NETO1: variants seen among roughly 807,000 people sequenced by gnomAD.
NETO1 encodes neuropilin and tolloid like 1, also known as neuropilin and tolloid-like protein 1.
In NETO1, 26 loss-of-function variants were observed where a neutral mutation model predicts 61.3. That is an observed-to-expected ratio of 0.42 (90% CI 0.31 to 0.59). The LOEUF (loss-of-function observed/expected upper bound fraction) is 0.59. NETO1 is among the 20% of genes least tolerant of loss of function. NETO1 has a pLI of 0.12. For synonymous variants in NETO1, 225 were observed against 225.8 expected (o/e 1.00, Z 0.03); for missense variants, 531 against 662.8 (o/e 0.80, Z 2.18).
At chr18:72,765,849 G>T (rs2071135448) in intron 7 of NETO1, among the ~76,000 whole-genome samples, 1 of 152,146 alleles carries the variant, frequency 6.6e-6, no homozygotes, top group South Asian at 2.1e-4. Context: ...AAACATTAGA[G>T]ATATCAATTA....
At chr18:72,757,022 C>A (rs1375353343) in intron 7 of NETO1, among the ~76,000 whole-genome samples, 1 of 152,008 alleles carries the variant, frequency 6.6e-6, no homozygotes, top group Admixed American at 6.6e-5. Flanking sequence ...ACAGAAAGTG[C>A]TTTTAAAGCT....
At chr18:72,779,208 C>T (rs1016178834) in intron 7 of NETO1, among the ~76,000 whole-genome samples, 41 of 151,766 alleles carry the variant, frequency 2.7e-4, no homozygotes, top group African/African-American at 3.6e-4. Context: ...TTAGATAATA[C>T]ATATAACTAT....
At position 72,783,871 on chromosome 18, in the gene NETO1, A is replaced by G. The variant is rs756975493; in HGVS notation, c.675T>C (p.Asn225=). The G allele has an allele frequency of 4.3e-6, 7 of 1,613,790 alleles. No homozygotes were observed. The highest frequency in any genetic ancestry group is 5.9e-6 in the Non-Finnish European group (7 of 1,179,764). ...YLRFLDYEMQ[N]SNECKRNFVA... is the part of the protein sequence containing the mutation. ...CAAAATTCCTCTTGCACTCATTTGA[A>G]TTCTGCATCTCATAGTCCAAGAATC... is the stretch of plus-strand genomic sequence containing the variant. Residue 225 remains asparagine (N), a synonymous_variant, in exon 7 of 11, where the codon AAT becomes AAC. Coordinates refer to ENST00000327305, the MANE Select transcript of NETO1 (RefSeq NM_138966.5).
chr18:72,750,227 G>A lies in NETO1; in HGVS notation c.1376C>T (p.Pro459Leu), dbSNP rs1372813173. 6.2e-7 allele frequency: 1 copy of A among 1,614,010 alleles called. No individual in the cohort carries two copies. The highest frequency in any genetic ancestry group is 8.5e-7 in the Non-Finnish European group (1 of 1,179,978). The change falls in exon 9 of 11, where the codon CCC becomes CTC. Residue 459 changes from proline to leucine, a missense_variant. Pro to Leu is a moderately conservative substitution (Grantham distance 98). Coordinates refer to ENST00000327305, the MANE Select transcript of NETO1 (RefSeq NM_138966.5). ...GATGAGGGGTTTTCCTGGCTGTGTG[G>A]GCATCTCTGTCAAGATAGAAGCATC... ...TRDASILTEM[P>L]TQPGKPLIPP...
At chr18:72,856,792 G>GT (rs1370336987) in intron 4 of NETO1, among the ~76,000 whole-genome samples, 1 of 152,110 alleles carries the variant, frequency 6.6e-6, no homozygotes, top group Non-Finnish European at 1.5e-5. Context: ...GGCAATTCTC[G>GT]TAACGCTTCA....
At chr18:72,804,393 C>A (rs1260570707) in intron 4 of NETO1, among the ~76,000 whole-genome samples, 1 of 152,136 alleles carries the variant, frequency 6.6e-6, no homozygotes, top group African/African-American at 2.4e-5. Context: ...ACACTGCTAG[C>A]CACATTGCAG....
intron 4 of NETO1, among the ~76,000 whole-genome samples, chr18:72,843,169 A>T (rs2073985376): frequency 2.6e-5 from 4 of 152,186 alleles, no homozygotes; most frequent in Admixed American, 2.6e-4. Context: ...TGCTTTCCAA[A>T]ATATTTTACC....
intron 7 of NETO1, among the ~76,000 whole-genome samples, chr18:72,777,280 T>C (rs1424741299): frequency 2.0e-5 from 3 of 151,818 alleles, no homozygotes; most frequent in African/African-American, 7.3e-5. Flanking sequence ...TAGCCTGGTG[T>C]AGTGGTGTAT....
At chr18:72,796,479 A>AT (rs543470745) in intron 4 of NETO1, among the ~76,000 whole-genome samples, 9 of 152,156 alleles carry the variant, frequency 5.9e-5, no homozygotes, top group South Asian at 2.1e-4. Context: ...TTTAAAATAG[A>AT]TTTTTTTTGT....
chr18:72,860,156 A>G (rs1417088245), intron 3 of NETO1, among the ~76,000 whole-genome samples: 1 of 152,130 alleles, frequency 6.6e-6, no homozygotes, highest in Non-Finnish European at 1.5e-5. Flanking sequence ...ATGGCCATAA[A>G]ATTTGCTGAA....
intron 4 of NETO1, among the ~76,000 whole-genome samples, chr18:72,824,489 G>C (rs983665976): frequency 6.6e-6 from 1 of 152,230 alleles, no homozygotes; most frequent in Non-Finnish European, 1.5e-5. Flanking sequence ...CTCATTAACT[G>C]TTGAGACTAT....
rs557372944 is a variant in NETO1 at position 72,750,987 on chromosome 18, A to C, written c.983-367T>G. 4.5e-4 allele frequency among the ~76,000 whole-genome samples: 67 copies of C among 147,498 alleles called. 1 individual carries two copies. The highest frequency in any genetic ancestry group is 8.8e-4 in the Non-Finnish European group (59 of 67,308). On this transcript the variant is annotated intron_variant, in intron 8 of 10. Coordinates refer to ENST00000327305, the MANE Select transcript of NETO1 (RefSeq NM_138966.5). ...AAATACAAAGTCTCTTTTTTCACAA[A>C]AAATACACTGACCAGTCTTAAAAAT...
At chr18:72,836,224 C>CT (rs2073744556) in intron 4 of NETO1, among the ~76,000 whole-genome samples, 1 of 152,108 alleles carries the variant, frequency 6.6e-6, no homozygotes. Flanking sequence ...GCCCAGGGTG[C>CT]TCCCCCTTTC....
In NETO1 at chr18:72,797,214, A is replaced by G. The variant is rs1208565251; in HGVS notation, c.470-2810T>C. ...TGTTTCTACAATTTTTGTGGAATATAGTTGATACTCTATTTTCTAGTTTGA... is the reference window on the plus strand; with the variant it reads ...TGTTTCTACAATTTTTGTGGAATATGGTTGATACTCTATTTTCTAGTTTGA... On this transcript the variant is annotated intron_variant, in intron 4 of 10. Transcript: ENST00000327305. 2.0e-5 allele frequency among the ~76,000 whole-genome samples: 3 copies of G among 152,308 alleles called. No homozygotes were observed. The East Asian group carries it at 5.8e-4, about 29-fold the overall frequency.
At chr18:72,790,618 T>A (rs567512960) in intron 6 of NETO1, among the ~76,000 whole-genome samples, 56 of 152,168 alleles carry the variant, frequency 3.7e-4, no homozygotes, top group Middle Eastern at 3.4e-3. Context: ...TGAAATCTCA[T>A]TCAATCTCTG....
intron 7 of NETO1, among the ~76,000 whole-genome samples, chr18:72,759,042 G>A (rs990456825): frequency 6.6e-6 from 1 of 152,066 alleles, no homozygotes; most frequent in Non-Finnish European, 1.5e-5. Flanking sequence ...TTTCTCTCCT[G>A]GTTAAGAACT....
At position 72,745,316 on chromosome 18, in the gene NETO1, T is replaced by C. The variant is rs1042377774; in HGVS notation, c.*2863A>G. 2 of 152,188 alleles carry C rather than the reference T, an allele frequency of 1.3e-5. No individual in the cohort carries two copies. Among genetic ancestry groups the C allele is most frequent in the African/African-American group, 2.4e-5 (1 of 41,462 alleles). The allele number at this position is 152,188 out of a possible 1,614,324, so 9.4% of individuals were successfully genotyped here. A position where few individuals can be genotyped will look rare whatever the true frequency, so the allele number is the denominator to read the frequency against. ...CTTGAAATTAGGCAACTACAATACA[T>C]TTGGACAGAAGTACGAAGCTTAATA... On this transcript the variant is annotated 3_prime_UTR_variant, in exon 11 of 11. Transcript: ENST00000327305.
chr18:72,813,668 A>C (rs909202012), intron 4 of NETO1, among the ~76,000 whole-genome samples: 1 of 152,110 alleles, frequency 6.6e-6, no homozygotes, highest in African/African-American at 2.4e-5. Context: ...GCAATAAAAA[A>C]CTCAATAGAC....
At position 72,834,696 on chromosome 18, in the gene NETO1, G is replaced by A. The variant is rs191752148; in HGVS notation, c.469+24130C>T. ...TCTTCAACTTTCTCTCGGAATGGGC[G>A]AATAATAATACGCTCTCTTCAGCTT... On this transcript the variant is annotated intron_variant, in intron 4 of 10. Coordinates refer to ENST00000327305, the MANE Select transcript of NETO1 (RefSeq NM_138966.5). The A allele has an allele frequency of 8.4e-4, 823 of 984,902 alleles. 9 individuals are homozygous for A. The African/African-American group carries it at 0.013, about 16-fold the overall frequency. 61.0% of individuals were successfully genotyped at this position (984,902 alleles called of 1,614,324 possible). A position where few individuals can be genotyped will look rare whatever the true frequency, so the allele number is the denominator to read the frequency against.
Sources: allele counts gnomAD v4.1 joint callset (sites outside exome capture counted in the v4.1 genomes callset), GRCh38; gene constraint gnomAD v4.1.1; transcripts MANE v1.5; gene names NCBI Gene and HGNC (gene_info 2026-07-23, HGNC 2026-07-21).